Variants in TOP1MT observed in about 807,000 individuals in gnomAD.
TOP1MT encodes DNA topoisomerase I, mitochondrial.
Under a neutral mutation model 73.9 loss-of-function variants are expected in TOP1MT, and 80 were observed. The observed-to-expected ratio is 1.08, with a 90% CI of 0.90 to 1.30. The LOEUF (loss-of-function observed/expected upper bound fraction) is 1.30, where lower values mean the gene tolerates loss of function less well. Ranked by LOEUF, TOP1MT falls within the 50% of genes most tolerant of loss-of-function variation. The pLI is 0.00. For missense variants in TOP1MT, 815 were observed against 808.0 expected (o/e 1.01, Z -0.10); for synonymous variants, 338 against 326.4 (o/e 1.04, Z -0.38).
At chr8:143,357,093 CA>C (rs36125491), upstream of TOP1MT, among the ~76,000 whole-genome samples, 234 of 89,700 alleles carry the variant, frequency 2.6e-3, no homozygotes, top group Admixed American at 2.7e-3. Context: ...GACTCCATCT[CA>C]AAAAAAAAAA....
chr8:143,328,262 GA>G (rs1441399093), intron 3 of TOP1MT: 10 of 456,066 alleles, frequency 2.2e-5, no homozygotes, highest in South Asian at 3.1e-5. Context: ...ACTGAGAAGT[GA>G]AAAGGCAAAG....
intron 12 of TOP1MT, among the ~76,000 whole-genome samples, chr8:143,314,332 T>A (rs963035527): frequency 6.6e-6 from 1 of 152,142 alleles, no homozygotes; most frequent in African/African-American, 2.4e-5. Context: ...GTGCAGTGGC[T>A]CATGCCTGTA....
intron 13 of TOP1MT, chr8:143,309,767 G>A (rs1474154928): frequency 6.5e-6 from 10 of 1,533,306 alleles, no homozygotes; most frequent in South Asian, 3.6e-5. Flanking sequence ...GGTGTCCACC[G>A]AGCAGGGCGC....
At chr8:143,323,380 G>A (rs1313822478) in intron 7 of TOP1MT, among the ~76,000 whole-genome samples, 1 of 90,652 alleles carries the variant, frequency 1.1e-5, no homozygotes, top group East Asian at 3.6e-4. Flanking sequence ...CCACACAGAT[G>A]CATGCCACAC....
chr8:143,343,502 G>C (rs573686448), intron 1 of TOP1MT: 1 of 329,522 alleles, frequency 3.0e-6, no homozygotes, highest in Admixed American at 4.0e-5. Context: ...CTGGCGGTGG[G>C]AAGTCCCGCC....
intron 7 of TOP1MT, 143 bp from the exon 8 acceptor site, chr8:143,321,529 CCACA>C (rs1181557405): frequency 1.7e-5 from 11 of 651,032 alleles, no homozygotes; most frequent in African/African-American, 1.2e-4. Context: ...CACACGCACG[CCACA>C]CACACGCACG....
At chr8:143,322,648 C>CAG (rs1491208487) in intron 7 of TOP1MT, among the ~76,000 whole-genome samples, 1 of 109,490 alleles carries the variant, frequency 9.1e-6, no homozygotes, top group Non-Finnish European at 1.8e-5. Context: ...ACACGCCACA[C>CAG]GCACACCACA....
intron 12 of TOP1MT, among the ~76,000 whole-genome samples, chr8:143,314,734 T>G (rs537829398): frequency 1.1e-4 from 17 of 152,178 alleles, no homozygotes; most frequent in Non-Finnish European, 2.1e-4. Context: ...GGGCACGAGC[T>G]GTTCCAGTAT....
At chr8:143,330,181 C>G (rs1158416020) in intron 2 of TOP1MT, among the ~76,000 whole-genome samples, 1 of 152,224 alleles carries the variant, frequency 6.6e-6, no homozygotes, top group Non-Finnish European at 1.5e-5. Context: ...AGCACAGGCC[C>G]GAGGGGCTCA....
chr8:143,321,908 A>ATG, intron 7 of TOP1MT, among the ~76,000 whole-genome samples: 2 of 95,848 alleles, frequency 2.1e-5, no homozygotes, highest in African/African-American at 4.0e-5. Context: ...CGCCACACAC[A>ATG]CAGGCACGCC....
At chr8:143,354,788 G>A (rs1160214047) in intron 1 of TOP1MT, among the ~76,000 whole-genome samples, 1 of 151,870 alleles carries the variant, frequency 6.6e-6, no homozygotes, top group East Asian at 1.9e-4. Context: ...TCTGAGAATT[G>A]GGCAGCTCCC....
chr8:143,322,385 G>GA (rs1816464974), intron 7 of TOP1MT, among the ~76,000 whole-genome samples: 1 of 63,416 alleles, frequency 1.6e-5, no homozygotes, highest in Admixed American at 2.6e-4. Flanking sequence ...CGCCACACAC[G>GA]CACGCCACAC....
intron 8 of TOP1MT, among the ~76,000 whole-genome samples, chr8:143,318,781 C>T (rs528455919): frequency 1.4e-3 from 213 of 152,328 alleles, no homozygotes; most frequent in African/African-American, 5.0e-3. Flanking sequence ...GGCACCATGG[C>T]TGATGAACCC....
chr8:143,323,008 C>CGCCACACATGCAACACACACATGCAT (rs1816552388), intron 7 of TOP1MT, among the ~76,000 whole-genome samples: 1 of 102,662 alleles, frequency 9.7e-6, no homozygotes, highest in South Asian at 3.6e-4. Context: ...CACACAGGCA[C>CGCCACACATGCAACACACACATGCAT]GCCACACACA....
chr8:143,340,647 C>G (rs996182877), intron 2 of TOP1MT, among the ~76,000 whole-genome samples: 1 of 152,216 alleles, frequency 6.6e-6, no homozygotes, highest in Non-Finnish European at 1.5e-5. Context: ...GGCCACGCCG[C>G]TGGCTGTGGT....
At chr8:143,332,077 T>TG (rs1816872870) in intron 1 of TOP1MT, among the ~76,000 whole-genome samples, 1 of 98,174 alleles carries the variant, frequency 1.0e-5, no homozygotes, top group African/African-American at 3.9e-5. Flanking sequence ...TTGGAGGGGG[T>TG]GGGGGGACAC....
intron 8 of TOP1MT, among the ~76,000 whole-genome samples, chr8:143,319,311 T>G (rs1418475854): frequency 6.6e-6 from 1 of 151,598 alleles, no homozygotes. Context: ...TTTTAATTTT[T>G]AGAGACTAGG....
chr8:143,359,119 G>A (rs1817461488), upstream of TOP1MT: 4 of 666,148 alleles, frequency 6.0e-6, no homozygotes, highest in African/African-American at 2.0e-5. Flanking sequence ...TGGGATTATA[G>A]GTGTGAGCCA....
rs143670181 is a variant in TOP1MT, at chr8:143,352,102, A to C, written c.-39+3863T>G. 8.7e-3 allele frequency among the ~76,000 whole-genome samples: 1,329 copies of C among 152,256 alleles called. 20 individuals carry two copies. Among genetic ancestry groups the C allele is most frequent in the African/African-American group, 0.03 (1,241 of 41,538 alleles). On this transcript the variant is annotated intron_variant, in intron 1 of 5. Transcript: ENST00000518760. ...TGTCTCAAAATATATAAAAGACAACAATACTCTCCAAACGGATCAAAAAAC... is the reference window on the plus strand; with the variant it reads ...TGTCTCAAAATATATAAAAGACAACCATACTCTCCAAACGGATCAAAAAAC...
Sources: allele counts gnomAD v4.1 joint callset (sites outside exome capture counted in the v4.1 genomes callset), GRCh38; gene constraint gnomAD v4.1.1; transcripts MANE v1.5; gene names NCBI Gene and HGNC (gene_info 2026-07-23, HGNC 2026-07-21).